The following AGPAT5 variants were observed in gnomAD, a reference collection of about 807,000 sequenced individuals.
The protein encoded by AGPAT5 is 1-acyl-sn-glycerol-3-phosphate acyltransferase epsilon.
Under a neutral mutation model 45.6 loss-of-function variants are expected in AGPAT5, and 46 were observed. The observed-to-expected ratio is 1.01, with a 90% CI of 0.80 to 1.29. The LOEUF (loss-of-function observed/expected upper bound fraction) is 1.29, where lower values mean the gene tolerates loss of function less well. Among genes scored for constraint, AGPAT5 ranks in the 50% most tolerant of loss-of-function variants. AGPAT5 has a pLI of 0.00. For missense variants in AGPAT5, 673 were observed against 450.7 expected (o/e 1.49, Z -4.47); for synonymous variants, 272 against 167.0 (o/e 1.63, Z -4.85).
At chr8:6,709,996 C>A (rs1403240576) in intron 1 of AGPAT5, among the ~76,000 whole-genome samples, 1 of 152,100 alleles carries the variant, frequency 6.6e-6, no homozygotes, top group Admixed American at 6.5e-5. Context: ...CTAATTTTTT[C>A]CCTTTATATG....
Position 6,757,965 on chromosome 8 carries a change from G to C in AGPAT5, c.*577G>C, listed in dbSNP as rs772570243. 2.6e-5 allele frequency: 4 copies of C among 152,168 alleles called. No individual in the cohort carries two copies. The highest frequency in any genetic ancestry group is 5.9e-5 in the Non-Finnish European group (4 of 68,044). The allele number at this position is 152,168 out of a possible 1,614,324, so 9.4% of individuals were successfully genotyped here. A position where few individuals can be genotyped will look rare whatever the true frequency, so the allele number is the denominator to read the frequency against. The stretch of plus-strand genomic sequence containing the variant: ...ATTTTATTGTATTGCGTTATTAGCT[G>C]ATTTTACTCATTTTATATTTGCAAA... On this transcript the variant is annotated 3_prime_UTR_variant, in exon 8 of 8. Coordinates refer to ENST00000285518, the MANE Select transcript of AGPAT5 (RefSeq NM_018361.5).
At chr8:6,747,855 C>T in intron 6 of AGPAT5, 27 bp downstream of exon 6, 1 of 1,611,468 alleles carries the variant, frequency 6.2e-7, no homozygotes, top group Non-Finnish European at 8.5e-7. Flanking sequence ...ACCTGAAATG[C>T]CTGTACACGG....
At chr8:6,715,860 A>T (rs1392849249) in intron 1 of AGPAT5, among the ~76,000 whole-genome samples, 2 of 152,230 alleles carry the variant, frequency 1.3e-5, no homozygotes, top group Non-Finnish European at 2.9e-5. Context: ...TACTTTGAAC[A>T]TGCGTAATTA....
chr8:6,742,482 C>T (rs1801273180), intron 5 of AGPAT5, among the ~76,000 whole-genome samples: 1 of 152,134 alleles, frequency 6.6e-6, no homozygotes, highest in African/African-American at 2.4e-5. Context: ...GTGTGATCTC[C>T]ATATGTTGAT....
At chr8:6,730,664 C>A (rs746248999) in intron 2 of AGPAT5, 47 bp from the exon 3 acceptor site, 73 of 1,290,718 alleles carry the variant, frequency 5.7e-5, no homozygotes, top group Non-Finnish European at 8.1e-5. Context: ...CATAGTACAA[C>A]CTGTGAAGAG....
chr8:6,736,060 G>A (rs941115481), intron 4 of AGPAT5, among the ~76,000 whole-genome samples: 1 of 151,956 alleles, frequency 6.6e-6, no homozygotes, highest in Non-Finnish European at 1.5e-5. Flanking sequence ...CACCATGTTG[G>A]CCAGGCTGGT....
At chr8:6,750,967 T>C (rs917474370) in intron 6 of AGPAT5, among the ~76,000 whole-genome samples, 1 of 152,228 alleles carries the variant, frequency 6.6e-6, no homozygotes, top group Non-Finnish European at 1.5e-5. Flanking sequence ...ACATAAGATA[T>C]AATAATAACA....
chr8:6,750,282 T>G (rs1801617252), intron 6 of AGPAT5, among the ~76,000 whole-genome samples: 2 of 152,176 alleles, frequency 1.3e-5, no homozygotes, highest in Middle Eastern at 3.2e-3. Flanking sequence ...AGCCAAAACC[T>G]TCTGTGAGTT....
intron 2 of AGPAT5, among the ~76,000 whole-genome samples, chr8:6,727,807 C>T (rs573969020): frequency 1.3e-5 from 2 of 152,282 alleles, no homozygotes; most frequent in East Asian, 3.9e-4. Flanking sequence ...GTTAGAGAGA[C>T]CCAGGTTCCT....
intron 7 of AGPAT5, among the ~76,000 whole-genome samples, chr8:6,756,159 A>G (rs1408399284): frequency 6.6e-6 from 1 of 152,120 alleles, no homozygotes; most frequent in East Asian, 1.9e-4. Context: ...TCATAACTTT[A>G]CAAATCTTAT....
chr8:6,733,721 A>T (rs1800945988), intron 4 of AGPAT5, among the ~76,000 whole-genome samples: 1 of 152,190 alleles, frequency 6.6e-6, no homozygotes, highest in Non-Finnish European at 1.5e-5. Context: ...TACAAAAAAA[A>T]TTTAAAAATC....
chr8:6,758,233 G>A lies in AGPAT5; in HGVS notation c.*845G>A, dbSNP rs1046449. 0.15 allele frequency: 22,467 copies of A among 152,650 alleles called. 1,883 individuals are homozygous for A. The highest frequency in any genetic ancestry group is 0.23 in the South Asian group (1,132 of 4,820). 9.5% of individuals were successfully genotyped at this position (152,650 alleles called of 1,614,324 possible). ...TGTTTTTTTAATATCAAAAGAGTCG[G>A]TGTGAACCTTGGTTGGACCCCAAGT... On this transcript the variant is annotated 3_prime_UTR_variant, in exon 8 of 8. Transcript: ENST00000285518.
chr8:6,748,570 T>A (rs1801555393), intron 6 of AGPAT5, among the ~76,000 whole-genome samples: 1 of 152,164 alleles, frequency 6.6e-6, no homozygotes, highest in African/African-American at 2.4e-5. Context: ...AGTGGCGCAA[T>A]CTTGGCTCAC....
At chr8:6,750,406 T>A (rs950397265) in intron 6 of AGPAT5, among the ~76,000 whole-genome samples, 2 of 152,218 alleles carry the variant, frequency 1.3e-5, no homozygotes, top group Non-Finnish European at 2.9e-5. Flanking sequence ...TTGTCTCCTT[T>A]TGAAAGATTG....
chr8:6,731,062 G>A (rs1183999680), intron 3 of AGPAT5, among the ~76,000 whole-genome samples: 2 of 151,770 alleles, frequency 1.3e-5, no homozygotes, highest in Non-Finnish European at 2.9e-5. Flanking sequence ...AGAGATGGGG[G>A]TCTCGCTGTG....
intron 1 of AGPAT5, among the ~76,000 whole-genome samples, chr8:6,722,689 C>G (rs10109859): frequency 2.6e-5 from 4 of 152,152 alleles, no homozygotes; most frequent in African/African-American, 9.7e-5. Flanking sequence ...CTAATTCAGG[C>G]CTTCTCCTGA....
intron 3 of AGPAT5, among the ~76,000 whole-genome samples, chr8:6,732,353 C>T (rs1482221959): frequency 1.3e-5 from 2 of 152,176 alleles, no homozygotes; most frequent in Non-Finnish European, 2.9e-5. Context: ...TACAGTGTCA[C>T]ATGCAGTTTT....
chr8:6,714,264 G>C (rs1800249670), intron 1 of AGPAT5, among the ~76,000 whole-genome samples: 1 of 152,198 alleles, frequency 6.6e-6, no homozygotes, highest in Non-Finnish European at 1.5e-5. Context: ...TTAGCTGAGA[G>C]TGACAGGACT....
intron 5 of AGPAT5, among the ~76,000 whole-genome samples, chr8:6,747,398 A>G (rs952933249): frequency 2.0e-5 from 3 of 152,250 alleles, no homozygotes; most frequent in Non-Finnish European, 4.4e-5. Flanking sequence ...GGGGTCTACT[A>G]GATTGAAGCG....
Sources: allele counts gnomAD v4.1 joint callset (sites outside exome capture counted in the v4.1 genomes callset), GRCh38; gene constraint gnomAD v4.1.1; transcripts MANE v1.5; gene names NCBI Gene and HGNC (gene_info 2026-07-23, HGNC 2026-07-21).